LMNTD1: variants seen among roughly 807,000 people sequenced by gnomAD.
LMNTD1 encodes lamin tail domain-containing protein 1.
A neutral mutation model predicts 50.9 loss-of-function variants in LMNTD1; 35 were observed. That is an observed-to-expected ratio of 0.69 (90% CI 0.53 to 0.91). The LOEUF is 0.91. Ranked by LOEUF, LMNTD1 falls within the 40% of genes least tolerant of loss-of-function variation. LMNTD1 has a pLI of 0.00. For synonymous variants in LMNTD1, 153 were observed against 161.9 expected, an observed-to-expected ratio of 0.94 and a Z score of 0.42; for missense variants, 470 against 475.5, an observed-to-expected ratio of 0.99 and a Z score of 0.11.
At position 25,596,926 on chromosome 12, in the gene LMNTD1, CAG is replaced by C. The variant is rs1945855875; in HGVS notation, c.59-50374_59-50373del. Among the ~76,000 whole-genome samples, 3 of 21,770 alleles carry C rather than the reference CAG, an allele frequency of 1.4e-4. No homozygotes were observed. The Non-Finnish European group carries it at 5.3e-3, about 38-fold the overall frequency. 14.3% of individuals were successfully genotyped at this position (21,770 alleles called of 152,430 possible). A position where few individuals can be genotyped will look rare whatever the true frequency, so the allele number is the denominator to read the frequency against. ...AAAAATTGGGGACATAGTTAAGGCA[CAG>C]AGTCTATTAGTTTTCTTTTTGCTTG... is the stretch of plus-strand genomic sequence containing the variant. On this transcript the variant is annotated intron_variant, in intron 1 of 7. Coordinates refer to the LMNTD1 transcript ENST00000445693.
At chr12:25,543,462 AAAAAAG>A (rs908351266) in intron 4 of LMNTD1, among the ~76,000 whole-genome samples, 2 of 152,000 alleles carry the variant, frequency 1.3e-5, no homozygotes, top group African/African-American at 4.8e-5. Flanking sequence ...GTTTAACATT[AAAAAAG>A]AAAAACCATA....
In LMNTD1 at chr12:25,493,383, A is replaced by C. The variant is rs367787450; in HGVS notation, c.*22+10355T>G. Among the ~76,000 whole-genome samples the C allele has an allele frequency of 1.4e-3, 209 of 152,314 alleles. 3 individuals carry two copies. The highest frequency in any genetic ancestry group is 0.012 in the South Asian group (58 of 4,824). On this transcript the variant is annotated intron_variant, in intron 9 of 9. Transcript: ENST00000458174. The stretch of plus-strand genomic sequence containing the variant: ...GATTTTAGTGACTAAACGAAGAGGG[A>C]AAGATGTTGAGGGGTCCTACAAAGG...
rs181575138 is a variant in LMNTD1 at position 25,626,887 on chromosome 12, A to C, written c.58+21607T>G. ...ATAATGTTTTTCCTTGATCAAAAAG[A>C]TTTATTTTGTGATTCTTTTAAAGGA... is the stretch of plus-strand genomic sequence containing the variant. On this transcript the variant is annotated intron_variant, in intron 1 of 7. Transcript: ENST00000445693. Among the ~76,000 whole-genome samples the C allele has an allele frequency of 4.6e-5, 7 of 152,340 alleles. No homozygotes were observed. The East Asian group carries it at 1.2e-3, about 25-fold the overall frequency.
At chr12:25,501,048 G>GGA (rs879525707) in intron 9 of LMNTD1, among the ~76,000 whole-genome samples, 229 of 152,264 alleles carry the variant, frequency 1.5e-3, no homozygotes, top group Middle Eastern at 6.8e-3. Flanking sequence ...GGAGTGCAGT[G>GGA]GTGCAATCTC....
chr12:25,618,142 T>G lies in LMNTD1; in HGVS notation c.58+30352A>C, dbSNP rs774746904. On this transcript the variant is annotated intron_variant, in intron 1 of 7. Coordinates refer to the LMNTD1 transcript ENST00000445693. ...AAAACTGCTTTTGTAACTTCCTGTTTGTCTCTCTGTGGTTGTATGTGTGTC... is the reference window on the plus strand; with the variant it reads ...AAAACTGCTTTTGTAACTTCCTGTTGGTCTCTCTGTGGTTGTATGTGTGTC... Among the ~76,000 whole-genome samples, 307 of 152,310 alleles carry G rather than the reference T, an allele frequency of 2.0e-3. 4 individuals carry two copies. Among genetic ancestry groups the G allele is most frequent in the Non-Finnish European group, 8.7e-4 (59 of 68,020 alleles).
chr12:25,549,327 C>T lies in LMNTD1; in HGVS notation c.309G>A (p.Leu103=). The change falls in exon 3 of 10, where the codon TTG becomes TTA. Residue 103 remains leucine (L), a splice_region_variant and synonymous_variant. Coordinates refer to ENST00000458174, the MANE Select transcript of LMNTD1 (RefSeq NM_001145728.2). ...VGSCSRVENS[L]DASPFSVPKK... is the part of the protein sequence containing the mutation. ...ATATGGGTTCCATATTTTGCTTACC[C>T]AAGCTGTTTTCCACTCTGGAACAGC... 6.3e-7 allele frequency: 1 copy of T among 1,592,458 alleles called. No homozygotes were observed. The highest frequency in any genetic ancestry group is 8.6e-7 in the Non-Finnish European group (1 of 1,166,260).
intron 4 of LMNTD1, among the ~76,000 whole-genome samples, chr12:25,527,666 A>ATATATATATATATATAT (rs1941859106): frequency 9.6e-5 from 2 of 20,900 alleles, no homozygotes; most frequent in African/African-American, 2.3e-4. Context: ...ATATATATAT[A>ATATATATATATATATAT]TATATATATA....
chr12:25,563,854 C>T (rs1592026213), intron 1 of LMNTD1, among the ~76,000 whole-genome samples: 1 of 152,190 alleles, frequency 6.6e-6, no homozygotes, highest in Non-Finnish European at 1.5e-5. Flanking sequence ...GTGGGCGCCC[C>T]TCCCCCAGCC....
chr12:25,593,574 C>A lies in LMNTD1; in HGVS notation c.59-47020G>T, dbSNP rs183585167. Among the ~76,000 whole-genome samples, 33 of 152,120 alleles carry A rather than the reference C, an allele frequency of 2.2e-4. No homozygotes were observed. The East Asian group carries it at 6.0e-3, about 28-fold the overall frequency. On this transcript the variant is annotated intron_variant, in intron 1 of 7. Coordinates refer to the LMNTD1 transcript ENST00000445693. ...AATCTGAACAGCCTTGAGCCCTAGG[C>A]CTTCCCAAAGACACAGCCTACCCAA...
chr12:25,611,562 T>G (rs1030100873), intron 1 of LMNTD1, among the ~76,000 whole-genome samples: 2 of 152,216 alleles, frequency 1.3e-5, no homozygotes, highest in Non-Finnish European at 2.9e-5. Context: ...GCTCCAGTGT[T>G]CCACTATTCC....
intron 1 of LMNTD1, among the ~76,000 whole-genome samples, chr12:25,575,534 C>T (rs1475344835): frequency 6.6e-6 from 1 of 152,110 alleles, no homozygotes; most frequent in Middle Eastern, 3.2e-3. Context: ...AGAACTAATG[C>T]TGTATGTTGC....
chr12:25,489,098 T>C (rs11048071), intron 9 of LMNTD1, among the ~76,000 whole-genome samples: 140,345 of 151,762 alleles, frequency 0.92, 65,420 homozygotes, highest in East Asian at 0.99. Context: ...TGTGCCCTGC[T>C]CCCAGAGGTG....
intron 1 of LMNTD1, among the ~76,000 whole-genome samples, chr12:25,576,090 T>C (rs1420131801): frequency 6.6e-6 from 1 of 152,238 alleles, no homozygotes; most frequent in African/African-American, 2.4e-5. Flanking sequence ...CAGTCTATCA[T>C]TGACGGACAT....
At chr12:25,533,501 GT>G (rs35308592) in intron 4 of LMNTD1, among the ~76,000 whole-genome samples, 101,445 of 151,548 alleles carry the variant, frequency 0.67, 34,305 homozygotes, top group Admixed American at 0.73. Context: ...TTGCTTTTAG[GT>G]TTTTTGATAT....
In LMNTD1 at chr12:25,625,094, A is replaced by C. The variant is rs777473942; in HGVS notation, c.58+23400T>G. Among the ~76,000 whole-genome samples the C allele has an allele frequency of 9.0e-4, 137 of 152,206 alleles. 2 individuals carry two copies. The highest frequency in any genetic ancestry group is 2.5e-4 in the Non-Finnish European group (17 of 68,030). On this transcript the variant is annotated intron_variant, in intron 1 of 7. Coordinates refer to the LMNTD1 transcript ENST00000445693. ...ACACATATGTCAGAGCAGAGTGTTAATGGGCATAGCTCTGGAGCGAGGTCC... is the reference window on the plus strand; with the variant it reads ...ACACATATGTCAGAGCAGAGTGTTACTGGGCATAGCTCTGGAGCGAGGTCC...
At chr12:25,549,136 C>T (rs942563818) in intron 3 of LMNTD1, among the ~76,000 whole-genome samples, 190 bp downstream of exon 3, 2 of 151,852 alleles carry the variant, frequency 1.3e-5, no homozygotes, top group African/African-American at 4.8e-5. Flanking sequence ...ATGTATGTGG[C>T]CTGAATTTAA....
chr12:25,561,209 T>A (rs1944302803), intron 1 of LMNTD1, among the ~76,000 whole-genome samples: 1 of 152,204 alleles, frequency 6.6e-6, no homozygotes. Context: ...TGCTCTTGCT[T>A]CTCTAGTTCT....
At chr12:25,537,905 C>T (rs921881128) in intron 4 of LMNTD1, among the ~76,000 whole-genome samples, 2 of 147,606 alleles carry the variant, frequency 1.4e-5, no homozygotes, top group Non-Finnish European at 3.0e-5. Flanking sequence ...AAAACCAAGG[C>T]TCGAGAACTA....
intron 9 of LMNTD1, among the ~76,000 whole-genome samples, chr12:25,478,192 A>T (rs1469991223): frequency 6.6e-6 from 1 of 152,170 alleles, no homozygotes; most frequent in East Asian, 1.9e-4. Flanking sequence ...AATCAAGTTG[A>T]CACTCAGTAT....
Sources: allele counts gnomAD v4.1 joint callset (sites outside exome capture counted in the v4.1 genomes callset), GRCh38; gene constraint gnomAD v4.1.1; transcripts MANE v1.5; gene names NCBI Gene and HGNC (gene_info 2026-07-23, HGNC 2026-07-21).